PCDH15: variants seen among roughly 807,000 people sequenced by gnomAD.
PCDH15 encodes the protein protocadherin related 15.
Under a neutral mutation model 178.5 loss-of-function variants are expected in PCDH15, and 129 were observed. The ratio of observed to expected loss-of-function variants is 0.72; its 90% CI spans 0.63 to 0.84. The LOEUF is 0.84. Among genes scored for constraint, PCDH15 ranks in the 40% least tolerant of loss-of-function variants. PCDH15 has a pLI of 0.00. For missense variants in PCDH15, 2,230 were observed against 2,099.9 expected (o/e 1.06, Z -1.21); for synonymous variants, 800 against 732.0 (o/e 1.09, Z -1.50).
At chr10:54,369,871 TTA>T (rs1247812373) in intron 4 of PCDH15, among the ~76,000 whole-genome samples, 1 of 152,002 alleles carries the variant, frequency 6.6e-6, no homozygotes, top group African/African-American at 2.4e-5. Context: ...CAGCCCATGT[TTA>T]TAAATATAGA....
chr10:54,268,709 T>C (rs1388753760), intron 8 of PCDH15, among the ~76,000 whole-genome samples: 51 of 151,902 alleles, frequency 3.4e-4, no homozygotes, highest in Admixed American at 3.3e-3. Context: ...AATAATGTTC[T>C]AGTGAGTAAC....
intron 21 of PCDH15, among the ~76,000 whole-genome samples, chr10:53,985,155 T>G (rs1475715881): frequency 6.6e-6 from 1 of 152,158 alleles, no homozygotes; most frequent in African/African-American, 2.4e-5. Context: ...GATTTTGGTG[T>G]TGTTTACTAA....
intron 11 of PCDH15, chr10:54,189,447 A>C: frequency 8.2e-7 from 1 of 1,214,870 alleles, no homozygotes; most frequent in African/African-American, 1.6e-5. Flanking sequence ...CGCACATATG[A>C]AGAAAAAGCA....
At chr10:54,549,332 A>G (rs994076141) in intron 2 of PCDH15, among the ~76,000 whole-genome samples, 1 of 151,982 alleles carries the variant, frequency 6.6e-6, no homozygotes, top group Non-Finnish European at 1.5e-5. Context: ...CAATGCTTTT[A>G]GAATCACATT....
At chr10:54,849,784 T>C (rs1953582664) in intron 3 of PCDH15, among the ~76,000 whole-genome samples, 1 of 152,178 alleles carries the variant, frequency 6.6e-6, no homozygotes, top group South Asian at 2.1e-4. Context: ...AAGTTGACTA[T>C]AAATACTTCC....
chr10:54,022,894 C>G lies in PCDH15; in HGVS notation c.2524G>C (p.Glu842Gln). 6.2e-7 allele frequency: 1 copy of G among 1,613,782 alleles called. No homozygotes were observed. Among genetic ancestry groups the G allele is most frequent in the Non-Finnish European group, 8.5e-7 (1 of 1,179,728 alleles). The change falls in exon 19 of 38, where the codon GAG becomes CAG. Residue 842 changes from glutamate to glutamine, a missense_variant and splice_region_variant. Physicochemically the swap from Glu to Gln is conservative, Grantham distance 29. Transcript: ENST00000644397. ...AATAAATGCTTTTTCCCACACACCT[C>G]TATTTGAAGGATGGTAGTCCCAGCT... The part of the protein sequence containing the change: ...LPAGTTILQI[E>Q]AKDVDLGANV...
At chr10:54,169,424 T>C (rs2046630632) in intron 13 of PCDH15, among the ~76,000 whole-genome samples, 4 of 137,956 alleles carry the variant, frequency 2.9e-5, no homozygotes, top group African/African-American at 1.1e-4. Flanking sequence ...CTTCTAAACC[T>C]CTGAAAACTC....
At chr10:54,717,014 A>G (rs2095488729) in intron 1 of PCDH15, among the ~76,000 whole-genome samples, 1 of 149,052 alleles carries the variant, frequency 6.7e-6, no homozygotes, top group African/African-American at 2.5e-5. Context: ...TGGGGAAAGG[A>G]TTCCCTATTT....
At chr10:54,438,339 T>G (rs1445044404) in intron 3 of PCDH15, among the ~76,000 whole-genome samples, 2 of 150,898 alleles carry the variant, frequency 1.3e-5, no homozygotes, top group East Asian at 2.0e-4. Flanking sequence ...CCCAAATGCT[T>G]CTTCTGTCGG....
intron 2 of PCDH15, among the ~76,000 whole-genome samples, chr10:55,060,246 A>G (rs1841397384): frequency 6.6e-6 from 1 of 152,096 alleles, no homozygotes; most frequent in East Asian, 1.9e-4. Context: ...CACTGATATC[A>G]TATATGAATC....
intron 1 of PCDH15, among the ~76,000 whole-genome samples, chr10:55,314,393 GT>G (rs1843669328): frequency 6.6e-6 from 1 of 151,770 alleles, no homozygotes; most frequent in Non-Finnish European, 1.5e-5. Flanking sequence ...AATAATAATT[GT>G]CAAGAAAAGA....
intron 18 of PCDH15, among the ~76,000 whole-genome samples, chr10:54,063,433 C>A (rs1274168549): frequency 6.6e-6 from 1 of 152,048 alleles, no homozygotes; most frequent in East Asian, 1.9e-4. Context: ...TGCACATGCC[C>A]CTGTTATAGA....
At chr10:54,567,202 T>C (rs2089170486) in intron 2 of PCDH15, among the ~76,000 whole-genome samples, 1 of 152,192 alleles carries the variant, frequency 6.6e-6, no homozygotes, top group South Asian at 2.1e-4. Flanking sequence ...ATTGTTAACT[T>C]TTAACAGATC....
chr10:54,262,566 G>A (rs532552518), intron 8 of PCDH15, among the ~76,000 whole-genome samples: 16 of 152,188 alleles, frequency 1.1e-4, no homozygotes, highest in East Asian at 9.7e-4. Flanking sequence ...GCCCAGGCCC[G>A]TGAGCTCAGT....
chr10:54,412,623 C>A (rs1185098890), intron 3 of PCDH15, among the ~76,000 whole-genome samples: 2 of 152,158 alleles, frequency 1.3e-5, no homozygotes, highest in Non-Finnish European at 2.9e-5. Flanking sequence ...GAAATTCTAG[C>A]ATTAATGACT....
At chr10:55,561,061 A>C (rs1842188001) in intron 2 of PCDH15, among the ~76,000 whole-genome samples, 1 of 151,804 alleles carries the variant, frequency 6.6e-6, no homozygotes. Context: ...TTCTGGAGAC[A>C]AAAGAGAATA....
intron 2 of PCDH15, among the ~76,000 whole-genome samples, chr10:55,338,470 CTTA>C (rs1041876386): frequency 1.3e-5 from 2 of 152,032 alleles, no homozygotes; most frequent in African/African-American, 2.4e-5. Flanking sequence ...TCTTAAAATC[CTTA>C]TTATTAAAAT....
intron 2 of PCDH15, among the ~76,000 whole-genome samples, chr10:55,547,882 A>AGGG: frequency 2.7e-5 from 2 of 74,094 alleles, no homozygotes; most frequent in Admixed American, 1.4e-4. Context: ...CAATGCAGGG[A>AGGG]GGTGGTGTGT....
At chr10:54,035,639 T>C (rs564208693) in intron 18 of PCDH15, among the ~76,000 whole-genome samples, 2 of 151,956 alleles carry the variant, frequency 1.3e-5, no homozygotes, top group Admixed American at 6.6e-5. Flanking sequence ...TGAGCCTTCC[T>C]ATTCTCTGAG....
Sources: allele counts gnomAD v4.1 joint callset (sites outside exome capture counted in the v4.1 genomes callset), GRCh38; gene constraint gnomAD v4.1.1; transcripts MANE v1.5; gene names NCBI Gene and HGNC (gene_info 2026-07-23, HGNC 2026-07-21).